The following SPECC1 variants were observed in gnomAD, a reference collection of about 807,000 sequenced individuals.
The protein encoded by SPECC1 is sperm antigen with calponin homology and coiled-coil domains 1.
In SPECC1, 62 loss-of-function variants were observed where a neutral mutation model predicts 104.1. The observed-to-expected ratio is 0.60, with a 90% CI of 0.49 to 0.74. The LOEUF (loss-of-function observed/expected upper bound fraction) is 0.74, where lower values mean the gene tolerates loss of function less well. SPECC1 is among the 30% of genes least tolerant of loss of function. The pLI is 0.00. For missense variants in SPECC1, 1,306 were observed against 1,310.5 expected (o/e 1.00, Z 0.05); for synonymous variants, 513 against 501.6 (o/e 1.02, Z -0.30).
intron 1 of SPECC1, among the ~76,000 whole-genome samples, chr17:20,077,592 G>A (rs147966138): frequency 0.012 from 1,878 of 151,970 alleles, 43 homozygotes; most frequent in African/African-American, 0.043. Flanking sequence ...TCAGCCTCTC[G>A]AGTAGTTGGG....
rs549074501 is a variant in SPECC1 at position 20,051,275 on chromosome 17, A to G, written c.-22+41851A>G. On this transcript the variant is annotated intron_variant, in intron 1 of 14. Transcript: ENST00000395527. ...ACTGCAACCTCTGCCTCCTGGGTTC[A>G]AGCAATTCTCCTGACTCAGCCTCCT... 3.9e-5 allele frequency among the ~76,000 whole-genome samples: 6 copies of G among 151,914 alleles called. No homozygotes were observed. The South Asian group carries it at 1.2e-3, about 32-fold the overall frequency.
chr17:20,263,529 TAAAAG>T (rs1865842511), intron 12 of SPECC1, among the ~76,000 whole-genome samples: 1 of 148,798 alleles, frequency 6.7e-6, no homozygotes, highest in Non-Finnish European at 1.5e-5. Context: ...AAAAATATAT[TAAAAG>T]AAAATAAATA....
intron 3 of SPECC1, among the ~76,000 whole-genome samples, chr17:20,130,679 T>G (rs2049569900): frequency 6.6e-6 from 1 of 152,236 alleles, no homozygotes; most frequent in South Asian, 2.1e-4. Context: ...AGTAGACTGA[T>G]TCTTCCTACT....
chr17:20,253,150 C>A (rs1383898623), intron 9 of SPECC1, among the ~76,000 whole-genome samples: 1 of 151,834 alleles, frequency 6.6e-6, no homozygotes, highest in Admixed American at 6.6e-5. Context: ...TTTTCATATA[C>A]CTATTAACCA....
intron 2 of SPECC1, among the ~76,000 whole-genome samples, chr17:20,104,129 G>A (rs747617935): frequency 3.3e-5 from 5 of 152,280 alleles, no homozygotes; most frequent in African/African-American, 7.2e-5. Flanking sequence ...TGGTTAGTAC[G>A]ATATTTGACA....
chr17:20,205,004 G>C lies in SPECC1; in HGVS notation c.955G>C (p.Val319Leu), dbSNP rs2036679139. Reference protein sequence around the residue: ...LRTSGSSSSDVTKASLSPDAS... With the variant: ...LRTSGSSSSDLTKASLSPDAS... The stretch of plus-strand genomic sequence containing the variant: ...GACATCAGGCTCCTCAAGTAGCGAT[G>C]TTACCAAAGCTTCTTTGTCGCCAGA... The change falls in exon 4 of 15, where the codon GTT becomes CTT. Residue 319 changes from valine to leucine, a missense_variant. Coordinates refer to ENST00000395527, the MANE Select transcript of SPECC1 (RefSeq NM_001243439.2). 1 of 1,614,184 alleles carries C rather than the reference G, an allele frequency of 6.2e-7. No individual in the cohort carries two copies. The highest frequency in any genetic ancestry group is 8.5e-7 in the Non-Finnish European group (1 of 1,180,038).
intron 12 of SPECC1, among the ~76,000 whole-genome samples, chr17:20,273,033 C>T (rs1481093285): frequency 2.0e-5 from 3 of 152,172 alleles, no homozygotes; most frequent in Non-Finnish European, 2.9e-5. Flanking sequence ...ATGAGGCCTG[C>T]GACTATGTTC....
intron 1 of SPECC1, among the ~76,000 whole-genome samples, chr17:20,025,774 A>G (rs1157143161): frequency 6.6e-6 from 1 of 152,184 alleles, no homozygotes; most frequent in Non-Finnish European, 1.5e-5. Context: ...TAATAATTTG[A>G]GGAGCTGCCA....
At chr17:20,215,054 T>G (rs1267580693) in intron 4 of SPECC1, among the ~76,000 whole-genome samples, 1 of 152,226 alleles carries the variant, frequency 6.6e-6, no homozygotes, top group Non-Finnish European at 1.5e-5. Flanking sequence ...CAGGCTGCTG[T>G]CAGCAACTGC....
chr17:20,220,144 G>C (rs1343752390), intron 4 of SPECC1, among the ~76,000 whole-genome samples: 1 of 152,074 alleles, frequency 6.6e-6, no homozygotes, highest in Non-Finnish European at 1.5e-5. Flanking sequence ...GCTCAGGATG[G>C]CTTTGGCTAT....
At chr17:20,159,045 C>T (rs2032887277) in intron 3 of SPECC1, among the ~76,000 whole-genome samples, 1 of 151,726 alleles carries the variant, frequency 6.6e-6, no homozygotes, top group African/African-American at 2.4e-5. Context: ...GCAACCTCTG[C>T]CTCCTGGGTT....
chr17:20,283,995 A>G lies in SPECC1; in HGVS notation c.2941-12966A>G, dbSNP rs2040861424. On this transcript the variant is annotated intron_variant, in intron 12 of 14. Transcript: ENST00000395527. The stretch of plus-strand genomic sequence containing the variant: ...AACTTTCTTTAAGTCAGATTTCTTA[A>G]TCCTTTCCTTTATACTTTTTGCATT... Among the ~76,000 whole-genome samples the G allele has an allele frequency of 3.3e-5, 5 of 152,122 alleles. No homozygotes were observed. The South Asian group carries it at 1.0e-3, about 32-fold the overall frequency.
intron 9 of SPECC1, among the ~76,000 whole-genome samples, chr17:20,248,184 C>G (rs1003499154): frequency 4.6e-5 from 7 of 152,152 alleles, no homozygotes; most frequent in African/African-American, 1.7e-4. Context: ...GAATGCCTTC[C>G]CAGCCATGTT....
chr17:20,259,108 T>C (rs937600464), intron 11 of SPECC1, among the ~76,000 whole-genome samples: 1 of 152,266 alleles, frequency 6.6e-6, no homozygotes, highest in Admixed American at 6.5e-5. Flanking sequence ...ATGGGTATTA[T>C]AGAAGGATTT....
intron 12 of SPECC1, among the ~76,000 whole-genome samples, chr17:20,289,043 A>C (rs571180627): frequency 4.6e-5 from 7 of 152,126 alleles, no homozygotes; most frequent in African/African-American, 1.7e-4. Flanking sequence ...TCAGCCTCCC[A>C]AAGTGCTGGG....
At chr17:20,148,794 A>G (rs1249654008) in intron 3 of SPECC1, among the ~76,000 whole-genome samples, 1 of 151,962 alleles carries the variant, frequency 6.6e-6, no homozygotes, top group Non-Finnish European at 1.5e-5. Flanking sequence ...TTCTCGGCTC[A>G]CTGCAGCCTC....
chr17:20,301,656 T>C (rs887812273), intron 13 of SPECC1, among the ~76,000 whole-genome samples: 4 of 152,138 alleles, frequency 2.6e-5, no homozygotes, highest in Non-Finnish European at 4.4e-5. Flanking sequence ...TAAAGAGATA[T>C]ATGATCACAG....
In SPECC1 at chr17:20,303,078, T is replaced by C. The variant is rs1028681787; in HGVS notation, c.3058-2945T>C. The stretch of plus-strand genomic sequence containing the variant: ...GACAGTACAGGAAAATAGCCACTTA[T>C]ACACTATTGCTGGAGCCAAAAATTG... On this transcript the variant is annotated intron_variant, in intron 13 of 14. Coordinates refer to ENST00000395527, the MANE Select transcript of SPECC1 (RefSeq NM_001243439.2). Among the ~76,000 whole-genome samples, 37 of 152,234 alleles carry C rather than the reference T, an allele frequency of 2.4e-4. No homozygotes were observed. In the Middle Eastern group the frequency reaches 0.01, roughly 42 times the overall value.
chr17:20,036,709 C>T (rs1418191099), intron 1 of SPECC1, among the ~76,000 whole-genome samples: 1 of 152,196 alleles, frequency 6.6e-6, no homozygotes, highest in East Asian at 1.9e-4. Context: ...CCCCCTACCC[C>T]TAGTTGCTTT....
Sources: gnomAD v4.1 joint callset for allele counts (sites outside exome capture counted in the v4.1 genomes callset) on GRCh38, gnomAD v4.1.1 for gene constraint, MANE v1.5 for transcripts, NCBI Gene and HGNC (gene_info 2026-07-23, HGNC 2026-07-21) for gene names.